ADK: variants seen among roughly 807,000 people sequenced by gnomAD.
The protein encoded by ADK is N6,N6-dimethyladenosine kinase.
A neutral mutation model predicts 44.7 loss-of-function variants in ADK; 24 were observed. That is an observed-to-expected ratio of 0.54 (90% CI 0.39 to 0.76). The LOEUF (loss-of-function observed/expected upper bound fraction) is 0.76, where lower values mean the gene tolerates loss of function less well. Among genes scored for constraint, ADK ranks in the 30% least tolerant of loss-of-function variants. ADK has a pLI of 0.00. For synonymous variants in ADK, 128 were observed against 142.6 expected, an observed-to-expected ratio of 0.90 and a Z score of 0.73; for missense variants, 321 against 425.1, an observed-to-expected ratio of 0.76 and a Z score of 2.15.
At chr10:74,374,283 TGTGAATTATATCTTA>T (rs1842756721) in intron 4 of ADK, among the ~76,000 whole-genome samples, 1 of 152,102 alleles carries the variant, frequency 6.6e-6, no homozygotes, top group South Asian at 2.1e-4. Flanking sequence ...TTGCATAGTA[TGTGAATTATATCTTA>T]AGGAGCTGAT....
intron 3 of ADK, among the ~76,000 whole-genome samples, chr10:74,292,357 C>T (rs1839653706): frequency 1.3e-5 from 2 of 152,180 alleles, no homozygotes; most frequent in African/African-American, 4.8e-5. Context: ...TGTCAAATCT[C>T]TATCCTTTTT....
chr10:74,269,297 CTT>C (rs1447244691), intron 3 of ADK, among the ~76,000 whole-genome samples: 2 of 152,098 alleles, frequency 1.3e-5, no homozygotes, highest in Non-Finnish European at 2.9e-5. Context: ...ATATGAAACT[CTT>C]GATAGTGATG....
At chr10:74,197,658 A>G (rs1196776535) in intron 1 of ADK, among the ~76,000 whole-genome samples, 4 of 150,646 alleles carry the variant, frequency 2.7e-5, no homozygotes, top group Admixed American at 2.0e-4. Flanking sequence ...AGATCATGCC[A>G]TTGCACTCCA....
intron 1 of ADK, among the ~76,000 whole-genome samples, chr10:74,180,208 T>A (rs536942780): frequency 4.1e-5 from 4 of 96,528 alleles, no homozygotes; most frequent in South Asian, 5.6e-4. Context: ...CTCTTTTCTT[T>A]TTATTATTAT....
chr10:74,176,429 G>A (rs1407139565), intron 1 of ADK: 28 of 1,047,064 alleles, frequency 2.7e-5, no homozygotes, highest in Non-Finnish European at 3.2e-5. Context: ...CTGTTACAGG[G>A]AGCTGAGCTT....
At chr10:74,340,725 TGA>T (rs1361403627) in intron 4 of ADK, among the ~76,000 whole-genome samples, 1 of 152,176 alleles carries the variant, frequency 6.6e-6, no homozygotes, top group African/African-American at 2.4e-5. Context: ...TTGCTGTTTG[TGA>T]GAGACTTATT....
chr10:74,241,883 G>C (rs188280092), intron 3 of ADK, among the ~76,000 whole-genome samples: 2 of 152,322 alleles, frequency 1.3e-5, no homozygotes, highest in African/African-American at 2.4e-5. Context: ...TATTTAATCT[G>C]TCTCTTCTAA....
chr10:74,215,899 G>T (rs1286553492), intron 2 of ADK, among the ~76,000 whole-genome samples: 1 of 151,438 alleles, frequency 6.6e-6, no homozygotes, highest in Non-Finnish European at 1.5e-5. Flanking sequence ...CTTGTGATCC[G>T]CCCGTCTCGG....
chr10:74,525,030 C>A (rs1848983790), intron 6 of ADK, among the ~76,000 whole-genome samples: 2 of 151,944 alleles, frequency 1.3e-5, no homozygotes, highest in African/African-American at 4.8e-5. Context: ...GCATATAAAC[C>A]TAGTATGAAA....
chr10:74,600,345 G>T (rs1384924486), intron 8 of ADK, 34 bp from the exon 9 acceptor site: 1 of 1,399,672 alleles, frequency 7.1e-7, no homozygotes. Context: ...TATTTTATTG[G>T]TCATGAGAAT....
At position 74,399,405 on chromosome 10, in the gene ADK, C is replaced by A. The variant is rs149462250; in HGVS notation, c.555+826C>A. ...ATGTTTATTGAAAATATAATTATTT[C>A]TTTCAGTCTAATGTTAATGTCTCCT... On this transcript the variant is annotated intron_variant, in intron 6 of 10. Transcript: ENST00000539909. 1.5e-3 allele frequency among the ~76,000 whole-genome samples: 221 copies of A among 151,558 alleles called. No individual in the cohort carries two copies. In the Middle Eastern group the frequency reaches 0.024, roughly 16 times the overall value.
At chr10:74,442,943 T>A (rs1845476050) in intron 6 of ADK, among the ~76,000 whole-genome samples, 1 of 152,188 alleles carries the variant, frequency 6.6e-6, no homozygotes, top group South Asian at 2.1e-4. Flanking sequence ...ATCTCATTTA[T>A]ATATGAAATC....
At chr10:74,647,849 TTAAG>T (rs1854109259) in intron 9 of ADK, among the ~76,000 whole-genome samples, 2 of 152,168 alleles carry the variant, frequency 1.3e-5, no homozygotes, top group Admixed American at 6.5e-5. Flanking sequence ...ACAGCTATAA[TTAAG>T]TAAGCTCATT....
intron 6 of ADK, among the ~76,000 whole-genome samples, chr10:74,511,208 T>G (rs1848308219): frequency 6.6e-6 from 1 of 152,242 alleles, no homozygotes; most frequent in Admixed American, 6.5e-5. Flanking sequence ...TCTATGCCTT[T>G]CCATTGGTCT....
intron 1 of ADK, chr10:74,176,979 A>G: frequency 6.5e-7 from 1 of 1,544,790 alleles, no homozygotes; most frequent in Non-Finnish European, 8.8e-7. Flanking sequence ...GGTGGTCTGG[A>G]GCCTGCCTCC....
intron 6 of ADK, among the ~76,000 whole-genome samples, chr10:74,494,625 T>G (rs1229557714): frequency 6.6e-6 from 1 of 152,172 alleles, no homozygotes. Flanking sequence ...ATAAATCATG[T>G]GCTCTGAAAG....
chr10:74,170,754 C>G (rs1316808840), intron 1 of ADK, among the ~76,000 whole-genome samples: 1 of 147,722 alleles, frequency 6.8e-6, no homozygotes, highest in Non-Finnish European at 1.5e-5. Context: ...GAGCCGAGAT[C>G]GCGCCACTGC....
intron 1 of ADK, among the ~76,000 whole-genome samples, chr10:74,166,686 CA>C (rs10710680): frequency 0.6 from 60,333 of 100,784 alleles, 13,896 homozygotes; most frequent in Middle Eastern, 0.65. Flanking sequence ...GACTCCGTCT[CA>C]AAAAAAAAAA....
At chr10:74,346,373 A>G (rs1199611274) in intron 4 of ADK, among the ~76,000 whole-genome samples, 1 of 152,232 alleles carries the variant, frequency 6.6e-6, no homozygotes, top group East Asian at 1.9e-4. Flanking sequence ...CTTGCAATGT[A>G]GGTAGGCCTC....
Sources: gnomAD v4.1 joint callset for allele counts (sites outside exome capture counted in the v4.1 genomes callset) on GRCh38, gnomAD v4.1.1 for gene constraint, MANE v1.5 for transcripts, NCBI Gene and HGNC (gene_info 2026-07-23, HGNC 2026-07-21) for gene names.